Variants in ZNF789 observed in about 807,000 individuals in gnomAD.
ZNF789 encodes zinc finger protein 789.
A neutral mutation model predicts 15.6 loss-of-function variants in ZNF789; 11 were observed. The ratio of observed to expected loss-of-function variants is 0.70; its 90% confidence interval spans 0.44 to 1.16. The LOEUF (loss-of-function observed/expected upper bound fraction) is 1.16. Ranked by LOEUF, ZNF789 falls within the 50% of genes most tolerant of loss-of-function variation. The pLI, the probability that ZNF789 is intolerant of heterozygous loss-of-function variation, is 0.00. For synonymous variants in ZNF789, 159 were observed against 176.0 expected (o/e 0.90, Z 0.76); for missense variants, 461 against 512.6 (o/e 0.90, Z 0.97).
At chr7:99,477,139 T>C (rs1476930798) in intron 2 of ZNF789, among the ~76,000 whole-genome samples, 2 of 150,778 alleles carry the variant, frequency 1.3e-5, no homozygotes, top group African/African-American at 4.9e-5. Context: ...GCCTCCCGGG[T>C]TCAAGTGATT....
intron 4 of ZNF789, among the ~76,000 whole-genome samples, chr7:99,484,359 C>T (rs1799803243): frequency 1.3e-5 from 2 of 152,186 alleles, no homozygotes; most frequent in South Asian, 4.1e-4. Context: ...GACGCGGTGG[C>T]GCATTCCTGT....
rs568392609 is a variant in ZNF789 at position 99,481,077 on chromosome 7, C to T, written c.151+1290C>T. On this transcript the variant is annotated intron_variant, in intron 3 of 4. Transcript: ENST00000331410. ...CCAGTCTTTTTTTCCTATGCCTTTA[C>T]AAAAGTAGCTGAGCATATTCTATGT... 2.0e-5 allele frequency: 3 copies of T among 152,312 alleles called. No homozygotes were observed. In the South Asian group the frequency reaches 6.2e-4, roughly 32 times the overall value. The allele number at this position is 152,312 out of a possible 1,614,324, so 9.4% of individuals were successfully genotyped here. A position where few individuals can be genotyped will look rare whatever the true frequency, so the allele number is the denominator to read the frequency against.
In ZNF789 at chr7:99,487,089, G is replaced by A. The variant is rs1016454607; in HGVS notation, c.879G>A (p.Thr293=). ...KPYKCSKCEK[T]FSQNSTLIRH... is the part of the protein sequence containing the mutation. ...ATAAATGTAGCAAATGTGAAAAAAC[G>A]TTTAGTCAGAATTCAACCCTTATTC... The change falls in exon 5 of 5, where the codon ACG becomes ACA. Residue 293 remains threonine (T), a synonymous_variant. Transcript: ENST00000331410. The A allele has an allele frequency of 3.1e-5, 50 of 1,613,970 alleles. 2 individuals carry two copies. The Middle Eastern group carries it at 1.5e-3, about 48-fold the overall frequency.
intron 4 of ZNF789, chr7:99,485,117 GC>G: frequency 6.9e-7 from 1 of 1,459,108 alleles, no homozygotes; most frequent in Non-Finnish European, 9.2e-7. Context: ...TCTCGGTGCT[GC>G]CTCTTGTTCC....
chr7:99,474,018 G>A (rs1421590668), intron 1 of ZNF789, among the ~76,000 whole-genome samples: 1 of 152,176 alleles, frequency 6.6e-6, no homozygotes, highest in African/African-American at 2.4e-5. Flanking sequence ...TGAACTCAAG[G>A]GAGAAATCAA....
chr7:99,483,704 T>C lies in ZNF789; in HGVS notation c.152-326T>C, dbSNP rs193157578. The C allele has an allele frequency of 1.8e-4, 144 of 781,084 alleles. 1 individual carries two copies. The highest frequency in any genetic ancestry group is 3.9e-4 in the Admixed American group (23 of 59,036). The allele number at this position is 781,084 out of a possible 1,614,324, so 48.4% of individuals were successfully genotyped here. On this transcript the variant is annotated intron_variant, in intron 3 of 4. Transcript: ENST00000331410. ...TTATGCCTTCATCGCATTAATGTGC[T>C]ACGCTTGATTTAATTGTTCCCTTTT...
Position 99,487,243 on chromosome 7 carries a change from G to C in ZNF789, c.1033G>C (p.Glu345Gln). 6.2e-6 allele frequency: 10 copies of C among 1,614,188 alleles called. No homozygotes were observed. The highest frequency in any genetic ancestry group is 8.5e-6 in the Non-Finnish European group (10 of 1,180,044). ...HSKPNTHKCSECGQSFGRNVD... is the reference protein window; with the variant it reads ...HSKPNTHKCSQCGQSFGRNVD... ...TAAACCGAACACCCATAAATGCAGT[G>C]AATGTGGACAGTCCTTTGGTAGGAA... Residue 345 changes from glutamate to glutamine, a missense_variant, in exon 5 of 5, where the codon GAA becomes CAA. Transcript: ENST00000331410.
In ZNF789 at chr7:99,484,628, T is replaced by A. The variant is rs191212525; in HGVS notation, c.265+485T>A. Among the ~76,000 whole-genome samples the A allele has an allele frequency of 7.6e-3, 1,142 of 150,498 alleles. 12 individuals are homozygous for A. The highest frequency in any genetic ancestry group is 7.6e-3 in the Non-Finnish European group (516 of 67,622). ...GAGCAAGACTGTCTCAATTAAAAAA[T>A]ATATATATATATCACACAGGCCTGG... On this transcript the variant is annotated intron_variant, in intron 4 of 4. Coordinates refer to ENST00000331410, the MANE Select transcript of ZNF789 (RefSeq NM_213603.3).
intron 3 of ZNF789, 40 bp downstream of exon 3, chr7:99,479,827 G>C (rs774637752): frequency 6.3e-7 from 1 of 1,597,610 alleles, no homozygotes; most frequent in Non-Finnish European, 8.5e-7. Context: ...TCTGTGTTCT[G>C]AGTGTCTGTG....
chr7:99,475,474 TGA>T, intron 1 of ZNF789, among the ~76,000 whole-genome samples: 1 of 152,004 alleles, frequency 6.6e-6, no homozygotes, highest in African/African-American at 2.4e-5. Flanking sequence ...AGGTGAGGGT[TGA>T]GTGACCCCTT....
Position 99,486,724 on chromosome 7 carries a change from C to T in ZNF789, c.514C>T (p.Gln172Ter). Residue 172 changes from glutamine (Q) to a stop codon, truncating the protein, a stop_gained, in exon 5 of 5, where the codon CAG becomes TAG. Coordinates refer to ENST00000331410, the MANE Select transcript of ZNF789 (RefSeq NM_213603.3). LOFTEE classifies it low-confidence loss of function (END_TRUNC). Reference protein sequence around the residue: ...QDQNAQTRWKQGRYDEDGKPF... With the variant: ...QDQNAQTRWK Reference sequence around the variant, plus strand: ...TCAGAATGCGCAAACAAGGTGGAAGCAGGGCAGATATGATGAGGATGGCAA... The same window carrying T: ...TCAGAATGCGCAAACAAGGTGGAAGTAGGGCAGATATGATGAGGATGGCAA... 2 of 1,614,188 alleles carry T rather than the reference C, an allele frequency of 1.2e-6. No homozygotes were observed. The highest frequency in any genetic ancestry group is 1.7e-6 in the Non-Finnish European group (2 of 1,180,046).
chr7:99,475,094 TAGAA>T (rs1233941961), intron 1 of ZNF789, among the ~76,000 whole-genome samples: 1 of 152,160 alleles, frequency 6.6e-6, no homozygotes, highest in East Asian at 1.9e-4. Context: ...CATCCTGAGT[TAGAA>T]AGCAAGTCTG....
chr7:99,473,486 T>A (rs964876586), intron 1 of ZNF789, among the ~76,000 whole-genome samples: 4 of 152,246 alleles, frequency 2.6e-5, no homozygotes, highest in African/African-American at 9.6e-5. Context: ...TTGGCCATTA[T>A]CAACTTGCAT....
chr7:99,486,249 C>T (rs1352626542), intron 4 of ZNF789, among the ~76,000 whole-genome samples: 2 of 151,802 alleles, frequency 1.3e-5, no homozygotes, highest in Non-Finnish European at 2.9e-5. Flanking sequence ...ACCCAGGAGG[C>T]GGAGGGTGCA....
intron 1 of ZNF789, among the ~76,000 whole-genome samples, chr7:99,474,307 T>C (rs1016689414): frequency 1.3e-5 from 2 of 151,944 alleles, no homozygotes; most frequent in African/African-American, 2.4e-5. Flanking sequence ...TTTAAGAAAG[T>C]TTACGAGCCG....
chr7:99,487,540 C>G lies in ZNF789; in HGVS notation c.*52C>G. On this transcript the variant is annotated 3_prime_UTR_variant, in exon 5 of 5. Transcript: ENST00000331410. The stretch of plus-strand genomic sequence containing the variant: ...AACTAGAACTTATAAACCTCTACTT[C>G]AAGTGTGTATCACGTAATTGTTTCC... 2 of 1,543,680 alleles carry G rather than the reference C, an allele frequency of 1.3e-6. No individual in the cohort carries two copies. Among genetic ancestry groups the G allele is most frequent in the Non-Finnish European group, 8.7e-7 (1 of 1,143,722 alleles).
Position 99,476,472 on chromosome 7 carries a change from A to G in ZNF789, c.16A>G (p.Arg6Gly), listed in dbSNP as rs1365579925. MFPPARGKELLSFEDV... is the reference protein window; with the variant it reads MFPPAGGKELLSFEDV... ...CGTGGAAGCCATGTTCCCACCAGCC[A>G]GGGGGAAGGTGAGCTGTGCCTCCCC... Residue 6 changes from arginine to glycine, a missense_variant, in exon 2 of 5, where the codon AGG (arginine) becomes GGG (glycine). Physicochemically the swap from Arg to Gly is moderately radical, Grantham distance 125. Transcript: ENST00000331410. The G allele has an allele frequency of 6.2e-7, 1 of 1,612,080 alleles. No homozygotes were observed. Among genetic ancestry groups the G allele is most frequent in the Non-Finnish European group, 8.5e-7 (1 of 1,179,388 alleles).
rs1443897809 is a variant in ZNF789 at position 99,486,880 on chromosome 7, T to C, written c.670T>C (p.Phe224Leu). 5 of 1,614,036 alleles carry C rather than the reference T, an allele frequency of 3.1e-6. No homozygotes were observed. Among genetic ancestry groups the C allele is most frequent in the Non-Finnish European group, 4.2e-6 (5 of 1,180,044 alleles). The change falls in exon 5 of 5, where the codon TTT (phenylalanine) becomes CTT (leucine). Residue 224 changes from phenylalanine (F) to leucine (L), a missense_variant. Phe to Leu is a conservative substitution (Grantham distance 22). Transcript: ENST00000331410. ...AWFDQHQRIH[F>L]LENPFECKVC... The stretch of plus-strand genomic sequence containing the variant: ...GTTTGATCAACATCAAAGAATTCAC[T>C]TTTTAGAGAATCCTTTTGAGTGTAA...
At position 99,487,017 on chromosome 7, in the gene ZNF789, C is replaced by T. The variant is rs1002921918; in HGVS notation, c.807C>T (p.Leu269=). The change falls in exon 5 of 5, where the codon CTC becomes CTT. Residue 269 remains leucine (L), a synonymous_variant. Transcript: ENST00000331410. ...CHDCGKCFRQ[L]AYLVEHKRIH... ...ACTGTGGAAAGTGTTTTCGGCAGCT[C>T]GCGTATCTTGTTGAACATAAGAGGA... 7 of 1,613,830 alleles carry T rather than the reference C, an allele frequency of 4.3e-6. No homozygotes were observed. Among genetic ancestry groups the T allele is most frequent in the Admixed American group, 3.3e-5 (2 of 59,966 alleles).
Sources: gnomAD v4.1 joint callset for allele counts (sites outside exome capture counted in the v4.1 genomes callset) on GRCh38, gnomAD v4.1.1 for gene constraint, MANE v1.5 for transcripts, NCBI Gene and HGNC (gene_info 2026-07-23, HGNC 2026-07-21) for gene names.